The following SPATA13 variants were observed in gnomAD, a reference collection of about 807,000 sequenced individuals.
The protein encoded by SPATA13 is spermatogenesis-associated protein 13.
Under a neutral mutation model 104.0 loss-of-function variants are expected in SPATA13, and 50 were observed. That is an observed-to-expected ratio of 0.48 (90% CI 0.38 to 0.61). SPATA13 has a LOEUF of 0.61. Ranked by LOEUF, SPATA13 falls within the 20% of genes least tolerant of loss-of-function variation. The pLI is 0.00. For missense variants in SPATA13, 1,524 were observed against 1,690.6 expected (o/e 0.90, Z 1.73); for synonymous variants, 606 against 667.5 (o/e 0.91, Z 1.42).
intron 4 of SPATA13, chr13:24,278,929 TTTCCTTCCTTCCTTCCTTCCCTCC>T: frequency 1.4e-6 from 1 of 736,002 alleles, no homozygotes; most frequent in Non-Finnish European, 1.9e-6. Flanking sequence ...TCCTTCCCTC[TTTCCTTCCTTCCTTCCTTCCCTCC>T]TTCCTTCCTT....
intron 2 of SPATA13, among the ~76,000 whole-genome samples, chr13:23,991,088 A>G (rs1200798061): frequency 6.6e-6 from 1 of 152,214 alleles, no homozygotes; most frequent in Non-Finnish European, 1.5e-5. Context: ...CTGTCCTGGC[A>G]GAGTCCCAGG....
At chr13:24,195,640 C>G (rs752024864) in intron 1 of SPATA13, among the ~76,000 whole-genome samples, 2 of 152,174 alleles carry the variant, frequency 1.3e-5, no homozygotes, top group Non-Finnish European at 2.9e-5. Flanking sequence ...ATATAAGACT[C>G]TTAATTATTT....
chr13:24,253,491 C>T (rs1198835160), intron 4 of SPATA13, among the ~76,000 whole-genome samples: 3 of 152,134 alleles, frequency 2.0e-5, no homozygotes, highest in Admixed American at 6.5e-5. Context: ...TTAAGCAACA[C>T]ATCCCTACCA....
chr13:24,269,200 T>C (rs892016600), intron 4 of SPATA13, among the ~76,000 whole-genome samples: 2 of 152,144 alleles, frequency 1.3e-5, no homozygotes, highest in Non-Finnish European at 2.9e-5. Flanking sequence ...GCTGCAGTTA[T>C]CCCCACTCCG....
Position 24,303,420 on chromosome 13 carries a change from ATC to A in SPATA13, c.*649_*650del. ...AGCAAAGTGGAGAGAAAGAAGATGC[ATC>A]TGTCACCTTCATCAGGGTCCTCAGT... is the stretch of plus-strand genomic sequence containing the variant. On this transcript the variant is annotated 3_prime_UTR_variant, in exon 13 of 13. Transcript: ENST00000382108. 1 of 203,866 alleles carries A rather than the reference ATC, an allele frequency of 4.9e-6. No individual in the cohort carries two copies. The highest frequency in any genetic ancestry group is 1.1e-5 in the Non-Finnish European group (1 of 94,886). 12.6% of individuals were successfully genotyped at this position (203,866 alleles called of 1,614,324 possible). A position where few individuals can be genotyped will look rare whatever the true frequency, so the allele number is the denominator to read the frequency against.
intron 4 of SPATA13, among the ~76,000 whole-genome samples, chr13:24,262,449 A>G (rs942554947): frequency 6.6e-6 from 1 of 152,168 alleles, no homozygotes; most frequent in Non-Finnish European, 1.5e-5. Context: ...ATAAGGCAGT[A>G]AGAATTCTTG....
intron 2 of SPATA13, among the ~76,000 whole-genome samples, chr13:24,234,823 C>T (rs1309557108): frequency 2.0e-5 from 3 of 152,272 alleles, no homozygotes; most frequent in East Asian, 3.9e-4. Context: ...GGCTGCCAGC[C>T]AGCCATTCCC....
intron 3 of SPATA13, among the ~76,000 whole-genome samples, chr13:24,099,534 G>A (rs578241369): frequency 1.8e-4 from 27 of 152,360 alleles, no homozygotes; most frequent in African/African-American, 6.3e-4. Context: ...GTCAGAGGGT[G>A]TGCTTCAGAC....
intron 2 of SPATA13, among the ~76,000 whole-genome samples, chr13:24,007,771 G>GT (rs1876299617): frequency 6.6e-6 from 1 of 152,176 alleles, no homozygotes; most frequent in Admixed American, 6.5e-5. Flanking sequence ...CCCAGCCAGG[G>GT]TTTTTTCATT....
At chr13:24,020,050 T>C (rs1056402316) in intron 3 of SPATA13, among the ~76,000 whole-genome samples, 2 of 152,188 alleles carry the variant, frequency 1.3e-5, no homozygotes, top group Admixed American at 6.5e-5. Context: ...GGACTCCAGC[T>C]TCTATCTTAG....
chr13:24,050,074 T>C (rs1233503996), intron 3 of SPATA13, among the ~76,000 whole-genome samples: 1 of 152,050 alleles, frequency 6.6e-6, no homozygotes, highest in Non-Finnish European at 1.5e-5. Context: ...GGTTTCACTG[T>C]GTGGCCAGGC....
chr13:24,284,402 A>G (rs1875768815), intron 5 of SPATA13, 131 bp downstream of exon 5: 1 of 1,044,078 alleles, frequency 9.6e-7, no homozygotes, highest in Non-Finnish European at 1.3e-6. Context: ...GATTAAAACA[A>G]CACTGTGATT....
In SPATA13 at chr13:24,083,893, T is replaced by C. The variant is rs545833108; in HGVS notation, c.-112+66192T>C. 9.2e-5 allele frequency among the ~76,000 whole-genome samples: 14 copies of C among 152,334 alleles called. No homozygotes were observed. The South Asian group carries it at 1.7e-3, about 18-fold the overall frequency. On this transcript the variant is annotated intron_variant, in intron 3 of 14. Coordinates refer to the SPATA13 transcript ENST00000424834. ...CCCCGTCTGGAGATGCAGGTGCTCT[T>C]CTGACATTTTCCTTACAGCAGGGCA...
At chr13:24,181,491 T>A (rs183407480) in intron 1 of SPATA13, among the ~76,000 whole-genome samples, 1,884 of 152,308 alleles carry the variant, frequency 0.012, 38 homozygotes, top group African/African-American at 0.043. Flanking sequence ...ATCTTTTTTT[T>A]ATTAAAATTT....
At chr13:24,233,886 AACACACACAC>A (rs10571334) in intron 2 of SPATA13, among the ~76,000 whole-genome samples, 5,906 of 147,596 alleles carry the variant, frequency 0.04, 292 homozygotes, top group African/African-American at 0.12. Context: ...TATACACTTA[AACACACACAC>A]ACACACACAC....
chr13:24,006,624 G>A (rs1363285396), intron 2 of SPATA13, among the ~76,000 whole-genome samples: 1 of 152,210 alleles, frequency 6.6e-6, no homozygotes, highest in East Asian at 1.9e-4. Context: ...AACTCTGGGA[G>A]GTGCCGGCTG....
At chr13:24,077,701 G>A (rs1977255) in intron 3 of SPATA13, among the ~76,000 whole-genome samples, 66,877 of 151,962 alleles carry the variant, frequency 0.44, 15,011 homozygotes, top group East Asian at 0.53. Flanking sequence ...ATTATAGAGC[G>A]GCACACACTA....
chr13:24,248,883 CTT>C (rs57863513), intron 2 of SPATA13, among the ~76,000 whole-genome samples: 5 of 144,082 alleles, frequency 3.5e-5, no homozygotes, highest in Non-Finnish European at 3.0e-5. Flanking sequence ...TGCTGATTTT[CTT>C]TTTTTTTTTT....
intron 1 of SPATA13, among the ~76,000 whole-genome samples, chr13:24,164,790 G>A (rs1244446827): frequency 6.6e-6 from 1 of 152,176 alleles, no homozygotes; most frequent in Non-Finnish European, 1.5e-5. Context: ...CGGCACCACA[G>A]AACCTTTCAC....
Sources: allele counts gnomAD v4.1 joint callset (sites outside exome capture counted in the v4.1 genomes callset), GRCh38; gene constraint gnomAD v4.1.1; transcripts MANE v1.5; gene names NCBI Gene and HGNC (gene_info 2026-07-23, HGNC 2026-07-21).